The following TMTC2 variants were observed in gnomAD, a reference collection of about 807,000 sequenced individuals.
TMTC2 encodes the protein protein O-mannosyl-transferase TMTC2.
Under a neutral mutation model 82.4 loss-of-function variants are expected in TMTC2, and 43 were observed. The observed-to-expected ratio is 0.52, with a 90% CI of 0.41 to 0.67. The LOEUF (loss-of-function observed/expected upper bound fraction) is 0.67. Among genes scored for constraint, TMTC2 ranks in the 30% least tolerant of loss-of-function variants. The probability of loss-of-function intolerance (pLI) is 0.00; values close to 1 mark genes in which losing one functional copy is unlikely to be tolerated. For synonymous variants in TMTC2, 408 were observed against 381.9 expected (o/e 1.07, Z -0.80); for missense variants, 919 against 1,012.4 (o/e 0.91, Z 1.25).
At chr12:82,914,722 T>C (rs999443397) in intron 3 of TMTC2, among the ~76,000 whole-genome samples, 1 of 152,030 alleles carries the variant, frequency 6.6e-6, no homozygotes, top group Non-Finnish European at 1.5e-5. Context: ...ATATACCATC[T>C]CCATAATAAT....
chr12:82,973,986 T>C (rs1878558791), intron 7 of TMTC2, among the ~76,000 whole-genome samples: 1 of 152,244 alleles, frequency 6.6e-6, no homozygotes, highest in Non-Finnish European at 1.5e-5. Context: ...AATTGAATTA[T>C]AAGGGTACAA....
chr12:83,105,846 T>C (rs1884373834), intron 11 of TMTC2, among the ~76,000 whole-genome samples: 1 of 152,150 alleles, frequency 6.6e-6, no homozygotes, highest in African/African-American at 2.4e-5. Context: ...TCAAGCAATT[T>C]GTTAAAGAAA....
chr12:83,072,731 G>A (rs1240892143), intron 11 of TMTC2, among the ~76,000 whole-genome samples: 2 of 152,070 alleles, frequency 1.3e-5, no homozygotes, highest in African/African-American at 4.8e-5. Flanking sequence ...TGGTGGACAA[G>A]GCCTTTTACC....
At chr12:82,812,971 A>C (rs1254476221) in intron 1 of TMTC2, among the ~76,000 whole-genome samples, 1 of 152,110 alleles carries the variant, frequency 6.6e-6, no homozygotes, top group African/African-American at 2.4e-5. Context: ...TTGCCGTCAC[A>C]CTGTGAATCC....
chr12:83,013,926 T>G (rs577552257), intron 8 of TMTC2, among the ~76,000 whole-genome samples: 2 of 152,322 alleles, frequency 1.3e-5, no homozygotes, highest in African/African-American at 4.8e-5. Context: ...GTCTCCAGTA[T>G]ATACATGAGT....
chr12:82,970,580 G>T (rs1396538577), intron 7 of TMTC2, among the ~76,000 whole-genome samples: 1 of 151,862 alleles, frequency 6.6e-6, no homozygotes, highest in African/African-American at 2.4e-5. Context: ...TGATCCACCC[G>T]CCTCGGCCTC....
At chr12:82,756,719 T>C (rs747751335) in intron 1 of TMTC2, among the ~76,000 whole-genome samples, 1 of 152,180 alleles carries the variant, frequency 6.6e-6, no homozygotes, top group Admixed American at 6.5e-5. Context: ...TAGTATTTAT[T>C]TATTTATTTT....
chr12:82,948,241 G>A (rs763240420), intron 4 of TMTC2, among the ~76,000 whole-genome samples: 26 of 152,052 alleles, frequency 1.7e-4, no homozygotes, highest in Non-Finnish European at 2.8e-4. Context: ...GGCAAATGCC[G>A]ATAGTCCCAG....
intron 1 of TMTC2, among the ~76,000 whole-genome samples, chr12:82,804,257 C>A (rs958267807): frequency 3.3e-5 from 5 of 151,978 alleles, no homozygotes; most frequent in African/African-American, 1.2e-4. Flanking sequence ...GGTTGGTCAC[C>A]TTTCAGAAAG....
At chr12:82,938,144 C>T (rs1285903152) in intron 4 of TMTC2, among the ~76,000 whole-genome samples, 1 of 151,732 alleles carries the variant, frequency 6.6e-6, no homozygotes, top group East Asian at 1.9e-4. Flanking sequence ...GAACTCCTGA[C>T]CTGAGGTGAT....
rs557872110 is a variant in TMTC2, at chr12:82,750,470, A to G, written c.83+62801A>G. On this transcript the variant is annotated intron_variant, in intron 1 of 11. Coordinates refer to ENST00000321196, the MANE Select transcript of TMTC2 (RefSeq NM_152588.3). ...ATTCTGCACTCTGTTCTCCGCACCC[A>G]GTACCTCCAGGGGATAGAGATTGCA... Among the ~76,000 whole-genome samples, 21 of 152,228 alleles carry G rather than the reference A, an allele frequency of 1.4e-4. No individual in the cohort carries two copies. The South Asian group carries it at 4.1e-3, about 30-fold the overall frequency.
At chr12:83,030,682 T>C (rs1260091815) in intron 8 of TMTC2, 116 bp from the exon 9 acceptor site, 2 of 768,130 alleles carry the variant, frequency 2.6e-6, no homozygotes, top group Non-Finnish European at 4.2e-6. Flanking sequence ...AAAAATTTTT[T>C]TTTTCCTTTC....
At chr12:82,997,366 GTGTATATATATATA>G (rs1879695383) in intron 8 of TMTC2, among the ~76,000 whole-genome samples, 3 of 20,196 alleles carry the variant, frequency 1.5e-4, no homozygotes, top group Non-Finnish European at 1.3e-4. Context: ...ATATATATAT[GTGTATATATATATA>G]TGTGTATATA....
At position 82,923,141 on chromosome 12, in the gene TMTC2, T is replaced by C. The variant is rs1875491240; in HGVS notation, c.1484-7290T>C. On this transcript the variant is annotated intron_variant, in intron 3 of 11. Coordinates refer to ENST00000321196, the MANE Select transcript of TMTC2 (RefSeq NM_152588.3). ...CTGTGCACAGGATTCTTCCCCAACA[T>C]CCCTACCAGTAGTTGACCTTATCCA... Among the ~76,000 whole-genome samples, 4 of 150,940 alleles carry C rather than the reference T, an allele frequency of 2.7e-5. No homozygotes were observed. The South Asian group carries it at 8.3e-4, about 31-fold the overall frequency.
chr12:83,127,034 G>A (rs186840835), intron 11 of TMTC2, among the ~76,000 whole-genome samples: 45 of 152,198 alleles, frequency 3.0e-4, no homozygotes, highest in Non-Finnish European at 3.4e-4. Context: ...GAATACAGTT[G>A]AATGCCAGTA....
chr12:83,035,918 C>T (rs899437020), intron 9 of TMTC2, among the ~76,000 whole-genome samples: 1 of 151,970 alleles, frequency 6.6e-6, no homozygotes, highest in Non-Finnish European at 1.5e-5. Context: ...TATGAGGTAC[C>T]TACTGTATAT....
chr12:82,810,344 T>C (rs1302379538), intron 1 of TMTC2, among the ~76,000 whole-genome samples: 1 of 151,530 alleles, frequency 6.6e-6, no homozygotes, highest in Admixed American at 6.6e-5. Flanking sequence ...GCAGTGTTTA[T>C]TTGAATTCCA....
At chr12:82,729,560 G>A (rs976181948) in intron 1 of TMTC2, among the ~76,000 whole-genome samples, 6 of 152,164 alleles carry the variant, frequency 3.9e-5, no homozygotes, top group African/African-American at 9.7e-5. Context: ...AGCTAGTCTC[G>A]TGGGGAAGTG....
intron 8 of TMTC2, among the ~76,000 whole-genome samples, chr12:83,018,892 A>G (rs1011073283): frequency 1.3e-5 from 2 of 152,192 alleles, no homozygotes; most frequent in African/African-American, 4.8e-5. Context: ...ACCACCTACT[A>G]CGCATCTGGT....
Sources: gnomAD v4.1 joint callset for allele counts (sites outside exome capture counted in the v4.1 genomes callset) on GRCh38, gnomAD v4.1.1 for gene constraint, MANE v1.5 for transcripts, NCBI Gene and HGNC (gene_info 2026-07-23, HGNC 2026-07-21) for gene names.